SLC23A2: variants seen among roughly 807,000 people sequenced by gnomAD.
SLC23A2 encodes solute carrier family 23 member 2, also known as Na(+)/L-ascorbic acid transporter 2.
Under a neutral mutation model 73.3 loss-of-function variants are expected in SLC23A2, and 36 were observed. That is an observed-to-expected ratio of 0.49 (90% CI 0.38 to 0.65). SLC23A2 has a LOEUF of 0.65. SLC23A2 is among the 30% of genes least tolerant of loss of function. The probability of loss-of-function intolerance (pLI) is 0.00; values close to 1 mark genes in which losing one functional copy is unlikely to be tolerated. For missense variants in SLC23A2, 507 were observed against 841.6 expected, an observed-to-expected ratio of 0.60 and a Z score of 4.92; for synonymous variants, 343 against 327.3, an observed-to-expected ratio of 1.05 and a Z score of -0.52.
intron 6 of SLC23A2, among the ~76,000 whole-genome samples, chr20:4,891,557 C>T (rs899880105): frequency 1.3e-5 from 2 of 152,204 alleles, no homozygotes; most frequent in Non-Finnish European, 2.9e-5. Flanking sequence ...TGGCTGGGGA[C>T]ACTGGCAGTG....
intron 6 of SLC23A2, among the ~76,000 whole-genome samples, chr20:4,893,016 C>CGTCATTGCTAGGAGAGTATGTAGGG (rs1931388134): frequency 6.6e-6 from 1 of 151,516 alleles, no homozygotes; most frequent in Admixed American, 6.6e-5. Flanking sequence ...CAAGAGACAC[C>CGTCATTGCTAGGAGAGTATGTAGGG]GTCATTGCTA....
intron 1 of SLC23A2, among the ~76,000 whole-genome samples, chr20:4,973,631 C>T (rs1009317782): frequency 5.9e-5 from 9 of 152,184 alleles, no homozygotes; most frequent in South Asian, 2.1e-4. Flanking sequence ...CAGTAAGCAA[C>T]CTTGAACTTC....
chr20:5,001,535 G>C (rs982146749), upstream of SLC23A2: 4 of 150,500 alleles, frequency 2.7e-5, no homozygotes, highest in Admixed American at 2.6e-4. Context: ...GGCCGGGGGC[G>C]GGGTGCAGCG....
rs2088065125 is a variant in SLC23A2, at chr20:4,998,747, A to G, written c.-282+2659T>C. Among the ~76,000 whole-genome samples, 1 of 152,180 alleles carries G rather than the reference A, an allele frequency of 6.6e-6. No homozygotes were observed. Among genetic ancestry groups the G allele is most frequent in the Non-Finnish European group, 1.5e-5 (1 of 68,044 alleles). On this transcript the variant is annotated intron_variant, in intron 1 of 16. Transcript: ENST00000338244. This position sits in a 1 kb window ranked among gnomAD's most constrained non-coding sequence, Gnocchi z 4.1. ...GAGGATTAAATATAAATACGTTTTT[A>G]AAAAGCTTCAATTTACATGTACAAA...
chr20:4,932,323 C>T (rs1932798871), intron 3 of SLC23A2, 132 bp downstream of exon 3: 1 of 666,758 alleles, frequency 1.5e-6, no homozygotes, highest in South Asian at 1.7e-5. Context: ...GACTATCTCA[C>T]ATATAAAGTA....
At chr20:4,983,475 TC>T (rs1353398042) in intron 1 of SLC23A2, among the ~76,000 whole-genome samples, 3 of 139,696 alleles carry the variant, frequency 2.1e-5, no homozygotes, top group African/African-American at 9.4e-5. Context: ...TGAAACCCCG[TC>T]TCTACTAAAA....
At chr20:4,930,537 A>G (rs552204355) in intron 3 of SLC23A2, among the ~76,000 whole-genome samples, 2 of 152,322 alleles carry the variant, frequency 1.3e-5, no homozygotes, top group African/African-American at 4.8e-5. Flanking sequence ...TGCCATGTTC[A>G]GCTGGGCACA....
At chr20:4,929,275 A>G (rs1391112861) in intron 3 of SLC23A2, among the ~76,000 whole-genome samples, 1 of 151,512 alleles carries the variant, frequency 6.6e-6, no homozygotes, top group Admixed American at 6.6e-5. Flanking sequence ...AAAAAAAAAA[A>G]GAAAAGAAAA....
At chr20:4,908,413 T>C (rs1932030881) in intron 4 of SLC23A2, among the ~76,000 whole-genome samples, 1 of 152,202 alleles carries the variant, frequency 6.6e-6, no homozygotes, top group Non-Finnish European at 1.5e-5. Context: ...ACTAAAGATA[T>C]ACCTAAAAAG....
chr20:4,883,697 A>C lies in SLC23A2; in HGVS notation c.769T>G (p.Ser257Ala). 6.2e-7 allele frequency: 1 copy of C among 1,613,906 alleles called. No homozygotes were observed. The highest frequency in any genetic ancestry group is 8.5e-7 in the Non-Finnish European group (1 of 1,179,866). ...CTCTCCCCCGCTGCCTGGAAACCAG[A>C]GAGGCCAATTAGGGCCACCGTGGGT... ...ITPTVALIGLSGFQAAGERAG... is the reference protein window; with the variant it reads ...ITPTVALIGLAGFQAAGERAG... Residue 257 changes from serine to alanine, a missense_variant, in exon 9 of 17, where the codon TCT (serine) becomes GCT (alanine). By Grantham distance (99) the Ser-to-Ala change is moderately conservative. Around this residue, in one of 5 missense-constraint regions of SLC23A2, gnomAD observed 217 missense variants for 398.0 expected, o/e 0.55. Transcript: ENST00000338244. The surrounding 1 kb of genome is among the most constrained non-coding windows in gnomAD (Gnocchi z 4.5).
chr20:4,868,033 G>A lies in SLC23A2; in HGVS notation c.1251-158C>T, dbSNP rs543696370. The stretch of plus-strand genomic sequence containing the variant: ...GAGGGCGATTAAAAATACAATCTCA[G>A]ACCCCACCCCAGACCTGCTGAAGCA... On this transcript the variant is annotated intron_variant, in intron 12 of 16. Transcript: ENST00000338244. The surrounding 1 kb of genome is among the most constrained non-coding windows in gnomAD (Gnocchi z 4.4). Among the ~76,000 whole-genome samples, 1 of 148,128 alleles carries A rather than the reference G, an allele frequency of 6.8e-6. No individual in the cohort carries two copies. The highest frequency in any genetic ancestry group is 2.5e-5 in the African/African-American group (1 of 40,312).
intron 3 of SLC23A2, among the ~76,000 whole-genome samples, chr20:4,915,401 G>A (rs997182347): frequency 1.3e-5 from 2 of 152,076 alleles, no homozygotes; most frequent in African/African-American, 4.8e-5. Flanking sequence ...GTCCTTAATT[G>A]GTAGGGCCAT....
At chr20:4,935,454 C>G (rs186935470) in intron 2 of SLC23A2, among the ~76,000 whole-genome samples, 125 of 152,254 alleles carry the variant, frequency 8.2e-4, no homozygotes, top group Admixed American at 4.3e-3. Flanking sequence ...ATATGAAACT[C>G]TACCGCAGGG....
At chr20:4,941,985 T>C (rs2087049501) in intron 2 of SLC23A2, among the ~76,000 whole-genome samples, 1 of 152,094 alleles carries the variant, frequency 6.6e-6, no homozygotes, top group African/African-American at 2.4e-5. Context: ...TTTCCTGTTT[T>C]TACTCCTCTA....
chr20:4,930,935 A>G (rs1450985066), intron 3 of SLC23A2, among the ~76,000 whole-genome samples: 1 of 150,510 alleles, frequency 6.6e-6, no homozygotes, highest in Non-Finnish European at 1.5e-5. Flanking sequence ...TTATGATTGT[A>G]CGACTGCCCT....
rs532220621 is a variant in SLC23A2, at chr20:4,935,850, G to GA, written c.-154-3135dup. Among the ~76,000 whole-genome samples the GA allele has an allele frequency of 2.5e-4, 38 of 152,000 alleles. No homozygotes were observed. The East Asian group carries it at 6.4e-3, about 25-fold the overall frequency. On this transcript the variant is annotated intron_variant, in intron 2 of 16. Coordinates refer to ENST00000338244, the MANE Select transcript of SLC23A2 (RefSeq NM_005116.6). Reference sequence around the variant, plus strand: ...AAAAATATATATCTATATCTATGTAGAAAAAATCTGTGCAAGTGGGTAATT... The same window carrying GA: ...AAAAATATATATCTATATCTATGTAGAAAAAAATCTGTGCAAGTGGGTAATT...
chr20:4,967,725 T>C (rs187729875), intron 2 of SLC23A2, among the ~76,000 whole-genome samples: 6 of 152,232 alleles, frequency 3.9e-5, no homozygotes, highest in African/African-American at 1.4e-4. Context: ...AATAGAAAAT[T>C]CTCTTCACTG....
At chr20:4,878,141 T>C (rs1930731707) in intron 9 of SLC23A2, among the ~76,000 whole-genome samples, 1 of 152,378 alleles carries the variant, frequency 6.6e-6, no homozygotes, top group Non-Finnish European at 1.5e-5. Flanking sequence ...TAGAACTCTT[T>C]ACGAGTTAGG....
chr20:4,866,913 T>C (rs1930222377), intron 13 of SLC23A2, among the ~76,000 whole-genome samples: 1 of 152,096 alleles, frequency 6.6e-6, no homozygotes, highest in African/African-American at 2.4e-5. Flanking sequence ...CCAATTTTCA[T>C]GGTCTTAGTT....
Sources: allele counts gnomAD v4.1 joint callset (sites outside exome capture counted in the v4.1 genomes callset), GRCh38; gene constraint gnomAD v4.1.1; regional missense constraint gnomAD v4.1.1; non-coding constraint Gnocchi (gnomAD v3.1); transcripts MANE v1.5; gene names NCBI Gene and HGNC (gene_info 2026-07-23, HGNC 2026-07-21).